ULK2: variants seen among roughly 807,000 people sequenced by gnomAD.
ULK2 encodes the protein unc-51 like autophagy activating kinase 2.
Under a neutral mutation model 127.5 loss-of-function variants are expected in ULK2, and 76 were observed. The observed-to-expected ratio is 0.60, with a 90% CI of 0.50 to 0.72. The LOEUF (loss-of-function observed/expected upper bound fraction) is 0.72. ULK2 is among the 30% of genes least tolerant of loss of function. The probability of loss-of-function intolerance (pLI) is 0.00; values close to 1 mark genes in which losing one functional copy is unlikely to be tolerated. For missense variants in ULK2, 1,144 were observed against 1,295.9 expected (o/e 0.88, Z 1.80); for synonymous variants, 452 against 461.9 (o/e 0.98, Z 0.28).
intron 3 of ULK2, among the ~76,000 whole-genome samples, chr17:19,859,183 T>TA (rs2042191626): frequency 6.6e-6 from 1 of 152,052 alleles, no homozygotes; most frequent in South Asian, 2.1e-4. Flanking sequence ...TGTGAGATTA[T>TA]AAAAATTTTT....
intron 14 of ULK2, among the ~76,000 whole-genome samples, chr17:19,807,013 C>T (rs1425860670): frequency 6.6e-6 from 1 of 152,184 alleles, no homozygotes; most frequent in Admixed American, 6.5e-5. Flanking sequence ...TTTTAGAAGA[C>T]TCCATGAGTA....
At chr17:19,832,846 G>A (rs1334675476) in intron 10 of ULK2, among the ~76,000 whole-genome samples, 1 of 152,174 alleles carries the variant, frequency 6.6e-6, no homozygotes, top group Non-Finnish European at 1.5e-5. Context: ...AATCCGACCA[G>A]GCATCGTGGC....
At chr17:19,859,249 CAGGCCTGTAATCCCAGCACTTTGGG>C (rs2152402355) in intron 3 of ULK2, among the ~76,000 whole-genome samples, 1 of 152,120 alleles carries the variant, frequency 6.6e-6, no homozygotes, top group East Asian at 1.9e-4. Flanking sequence ...TGCGGTGGCT[CAGGCCTGTAATCCCAGCACTTTGGG>C]AGGCTGAGGC....
At chr17:19,778,321 G>A (rs9907221) in intron 25 of ULK2, among the ~76,000 whole-genome samples, 14 of 152,196 alleles carry the variant, frequency 9.2e-5, no homozygotes, top group African/African-American at 3.4e-4. Context: ...TGGATGATAC[G>A]GAATACATAG....
At chr17:19,847,690 C>T (rs1234383460) in intron 5 of ULK2, among the ~76,000 whole-genome samples, 4 of 152,164 alleles carry the variant, frequency 2.6e-5, no homozygotes, top group Admixed American at 6.5e-5. Context: ...GCTGGGACTA[C>T]AGGCATGTAT....
intron 23 of ULK2, 134 bp from the exon 24 acceptor site, chr17:19,781,238 TTTTC>T (rs904177674): frequency 2.3e-5 from 15 of 648,456 alleles, no homozygotes; most frequent in African/African-American, 1.7e-4. Flanking sequence ...TTCTTCTTTC[TTTTC>T]TTTTTTTTTT....
chr17:19,793,449 T>C (rs932598084), intron 20 of ULK2, among the ~76,000 whole-genome samples: 2 of 152,088 alleles, frequency 1.3e-5, no homozygotes, highest in African/African-American at 2.4e-5. Context: ...GAATAGCCCA[T>C]CCAAAAGAAT....
At position 19,830,387 on chromosome 17, in the gene ULK2, A is replaced by C. The variant is rs142842128; in HGVS notation, c.788-4201T>G. On this transcript the variant is annotated intron_variant, in intron 10 of 26. Transcript: ENST00000395544. ...AGCTAATTTTTAATATTTTTTGTAGAGACAGGTTCTCACTATGTTGCCCTG... is the reference window on the plus strand; with the variant it reads ...AGCTAATTTTTAATATTTTTTGTAGCGACAGGTTCTCACTATGTTGCCCTG... Among the ~76,000 whole-genome samples the C allele has an allele frequency of 8.4e-3, 1,271 of 152,212 alleles. 8 individuals are homozygous for C. The highest frequency in any genetic ancestry group is 0.024 in the Middle Eastern group (7 of 294).
rs1227055570 is a variant in ULK2, at chr17:19,772,024, A to C, written c.*4325T>G. On this transcript the variant is annotated 3_prime_UTR_variant, in exon 27 of 27. Transcript: ENST00000395544. ...ACCTACAGATTGATCCCACCTGTTC[A>C]GAGCAACAGGCACGGCTTCACTCGG... 1.3e-5 allele frequency: 2 copies of C among 152,430 alleles called. No individual in the cohort carries two copies. The highest frequency in any genetic ancestry group is 2.4e-5 in the African/African-American group (1 of 41,460). The allele number at this position is 152,430 out of a possible 1,614,324, so 9.4% of individuals were successfully genotyped here.
chr17:19,780,964 T>TA, intron 24 of ULK2, 22 bp downstream of exon 24: 1 of 1,609,582 alleles, frequency 6.2e-7, no homozygotes, highest in Non-Finnish European at 8.5e-7. Context: ...CCCCTGGAGT[T>TA]ACACGCTGCC....
chr17:19,808,079 C>A (rs1337454941), intron 14 of ULK2, among the ~76,000 whole-genome samples: 1 of 152,166 alleles, frequency 6.6e-6, no homozygotes, highest in Non-Finnish European at 1.5e-5. Flanking sequence ...GCACTCCAGC[C>A]TGGGCAACAA....
chr17:19,835,213 G>A (rs1482847651), intron 10 of ULK2, among the ~76,000 whole-genome samples: 1 of 150,392 alleles, frequency 6.6e-6, no homozygotes, highest in South Asian at 2.1e-4. Context: ...GTAGTGGCGC[G>A]ATCTTGGCTC....
chr17:19,825,282 C>T, intron 11 of ULK2, 100 bp from the exon 12 acceptor site: 1 of 948,884 alleles, frequency 1.1e-6, no homozygotes, highest in Non-Finnish European at 1.6e-6. Flanking sequence ...TTTGTGTTCC[C>T]CCAAAATCTG....
At chr17:19,831,679 T>C (rs1031251936) in intron 10 of ULK2, among the ~76,000 whole-genome samples, 6 of 149,004 alleles carry the variant, frequency 4.0e-5, no homozygotes, top group Admixed American at 4.0e-4. Context: ...ACAAACAAAT[T>C]AGCCGGGCGT....
At chr17:19,803,428 C>T (rs73312783) in intron 15 of ULK2, among the ~76,000 whole-genome samples, 1,821 of 152,214 alleles carry the variant, frequency 0.012, 31 homozygotes, top group African/African-American at 0.041. Context: ...GGCAAAGGTA[C>T]CAATAGCTTT....
At position 19,841,553 on chromosome 17, in the gene ULK2, A is replaced by T. The variant is rs79813170; in HGVS notation, c.646-6T>A. 5 of 780,658 alleles carry T rather than the reference A, an allele frequency of 6.4e-6. No homozygotes were observed. Among genetic ancestry groups the T allele is most frequent in the Non-Finnish European group, 8.7e-6 (5 of 572,710 alleles). 48.4% of individuals were successfully genotyped at this position (780,658 alleles called of 1,614,324 possible). A position where few individuals can be genotyped will look rare whatever the true frequency, so the allele number is the denominator to read the frequency against. The stretch of plus-strand genomic sequence containing the variant: ...AAGTCTTGAGGACTATTGGCCTATT[A>T]AAAAAAAAAAGGTTTAATTTCCTAA... On this transcript the variant is annotated splice_region_variant and splice_polypyrimidine_tract_variant and intron_variant, in intron 8 of 26. Coordinates refer to ENST00000395544, the MANE Select transcript of ULK2 (RefSeq NM_014683.4).
At position 19,775,855 on chromosome 17, in the gene ULK2, C is replaced by T. The variant is rs774669106; in HGVS notation, c.*494G>A. 1.3e-5 allele frequency: 2 copies of T among 152,934 alleles called. No individual in the cohort carries two copies. Among genetic ancestry groups the T allele is most frequent in the Non-Finnish European group, 2.9e-5 (2 of 68,302 alleles). 9.5% of individuals were successfully genotyped at this position (152,934 alleles called of 1,614,324 possible). A position where few individuals can be genotyped will look rare whatever the true frequency, so the allele number is the denominator to read the frequency against. The stretch of plus-strand genomic sequence containing the variant: ...GATCCATGTTTCACTTCTTCTTAAG[C>T]TATTTCTTCCTGAGCTGTTTAAAGA... On this transcript the variant is annotated 3_prime_UTR_variant, in exon 27 of 27. Coordinates refer to ENST00000395544, the MANE Select transcript of ULK2 (RefSeq NM_014683.4).
intron 25 of ULK2, among the ~76,000 whole-genome samples, chr17:19,779,779 T>C (rs1217773498): frequency 6.6e-6 from 1 of 152,180 alleles, no homozygotes; most frequent in Non-Finnish European, 1.5e-5. Flanking sequence ...GATTGATTAA[T>C]AAAGCAGTGT....
intron 18 of ULK2, among the ~76,000 whole-genome samples, chr17:19,797,047 A>G (rs2087286744): frequency 6.6e-6 from 1 of 152,234 alleles, no homozygotes; most frequent in African/African-American, 2.4e-5. Flanking sequence ...TAATTCTAGC[A>G]TTTTGGGAGA....
Sources: allele counts gnomAD v4.1 joint callset (sites outside exome capture counted in the v4.1 genomes callset), GRCh38; gene constraint gnomAD v4.1.1; transcripts MANE v1.5; gene names NCBI Gene and HGNC (gene_info 2026-07-23, HGNC 2026-07-21).